PACSIN1: variants seen among roughly 807,000 people sequenced by gnomAD.
PACSIN1 encodes protein kinase C and casein kinase substrate in neurons 1.
Under a neutral mutation model 59.5 loss-of-function variants are expected in PACSIN1, and 15 were observed. That is an observed-to-expected ratio of 0.25 (90% CI 0.17 to 0.39). The LOEUF (loss-of-function observed/expected upper bound fraction) is 0.39, where lower values mean the gene tolerates loss of function less well. Ranked by LOEUF, PACSIN1 falls within the 10% of genes least tolerant of loss-of-function variation. The probability of loss-of-function intolerance (pLI) is 1.00; values close to 1 mark genes in which losing one functional copy is unlikely to be tolerated. For synonymous variants in PACSIN1, 210 were observed against 220.6 expected (o/e 0.95, Z 0.42); for missense variants, 420 against 580.2 (o/e 0.72, Z 2.84).
At position 34,521,843 on chromosome 6, in the gene PACSIN1, C is replaced by T. The variant is rs974908869; in HGVS notation, c.-63-4400C>T. On this transcript the variant is annotated intron_variant, in intron 1 of 9. Coordinates refer to ENST00000244458, the MANE Select transcript of PACSIN1 (RefSeq NM_020804.5). The surrounding 1 kb of genome is among the most constrained non-coding windows in gnomAD (Gnocchi z 4.3). ...CAACAGCCCATTTTACAGATGCGGA[C>T]GCCGAGGCCTGGGAAGAGGGAGAGA... Among the ~76,000 whole-genome samples the T allele has an allele frequency of 6.6e-6, 1 of 152,094 alleles. No individual in the cohort carries two copies. Among genetic ancestry groups the T allele is most frequent in the African/African-American group, 2.4e-5 (1 of 41,406 alleles).
At chr6:34,470,277 G>A (rs991220970) in intron 1 of PACSIN1, among the ~76,000 whole-genome samples, 13 of 152,050 alleles carry the variant, frequency 8.5e-5, no homozygotes, top group African/African-American at 2.9e-4. Flanking sequence ...CCACCTCCGG[G>A]TTCAAGCAAT....
At chr6:34,476,531 C>T (rs757812229) in intron 1 of PACSIN1, among the ~76,000 whole-genome samples, 10 of 152,144 alleles carry the variant, frequency 6.6e-5, no homozygotes, top group Non-Finnish European at 1.3e-4. Context: ...GATGACTGGC[C>T]GCCATCTCAC....
intron 1 of PACSIN1, among the ~76,000 whole-genome samples, chr6:34,478,784 G>A (rs1766676831): frequency 6.6e-6 from 1 of 152,126 alleles, no homozygotes; most frequent in South Asian, 2.1e-4. Flanking sequence ...TTGTACATTT[G>A]TCTTAGTCTT....
intron 1 of PACSIN1, among the ~76,000 whole-genome samples, chr6:34,496,106 G>A (rs1350061036): frequency 1.3e-5 from 2 of 152,214 alleles, no homozygotes; most frequent in Non-Finnish European, 2.9e-5. Context: ...AGATGCAGGT[G>A]ATTGTGCCAT....
chr6:34,483,064 G>C (rs1766743864), intron 1 of PACSIN1, among the ~76,000 whole-genome samples: 1 of 149,934 alleles, frequency 6.7e-6, no homozygotes. Flanking sequence ...GAGTGCAGTG[G>C]CACGATCATG....
Position 34,528,645 on chromosome 6 carries a change from C to G in PACSIN1, c.224C>G (p.Pro75Arg). The G allele has an allele frequency of 6.2e-7, 1 of 1,613,234 alleles. No homozygotes were observed. The highest frequency in any genetic ancestry group is 8.5e-7 in the Non-Finnish European group (1 of 1,179,500). The change falls in exon 4 of 10, where the codon CCA becomes CGA. Residue 75 changes from proline to arginine, a missense_variant. Physicochemically the swap from Pro to Arg is moderately radical, Grantham distance 103 (BLOSUM62 -2). Transcript: ENST00000244458. ...TGACCTATTGCCATTCCCTCAGGCC[C>G]ACAGTATGGCAGCCTGGAGCGGGCC... is the stretch of plus-strand genomic sequence containing the variant. Reference protein sequence around the residue: ...KRWRQLIEKGPQYGSLERAWG... With the variant: ...KRWRQLIEKGRQYGSLERAWG...
At chr6:34,524,885 C>T (rs1376556807) in intron 1 of PACSIN1, among the ~76,000 whole-genome samples, 1 of 152,194 alleles carries the variant, frequency 6.6e-6, no homozygotes, top group African/African-American at 2.4e-5. Context: ...CCAACCAACT[C>T]CTGCCCGCCC....
intron 1 of PACSIN1, among the ~76,000 whole-genome samples, chr6:34,512,309 C>T (rs577936602): frequency 5.0e-5 from 5 of 99,446 alleles, no homozygotes; most frequent in South Asian, 3.7e-4. Flanking sequence ...GAGGACAGGA[C>T]GTGGGGTCTG....
chr6:34,502,657 G>T (rs1198550836), intron 1 of PACSIN1, among the ~76,000 whole-genome samples: 1 of 151,548 alleles, frequency 6.6e-6, no homozygotes, highest in Non-Finnish European at 1.5e-5. Flanking sequence ...TAGTAGAGAC[G>T]GGGTTTCACC....
At chr6:34,527,647 C>T (rs1033953503) in intron 3 of PACSIN1, 159 bp downstream of exon 3, 6 of 471,402 alleles carry the variant, frequency 1.3e-5, no homozygotes, top group African/African-American at 2.0e-5. Flanking sequence ...ACCAGGCCTA[C>T]CTGTTCATCT....
intron 1 of PACSIN1, among the ~76,000 whole-genome samples, chr6:34,498,898 C>A (rs186462246): frequency 6.6e-6 from 1 of 151,296 alleles, no homozygotes; most frequent in East Asian, 1.9e-4. Context: ...TGGGCCCCAG[C>A]GTTTTTGGCA....
intron 1 of PACSIN1, among the ~76,000 whole-genome samples, chr6:34,475,974 C>G (rs921708307): frequency 1.3e-5 from 2 of 152,152 alleles, no homozygotes; most frequent in Admixed American, 6.5e-5. Flanking sequence ...TTAGTGGCTG[C>G]TGGTTTGTAG....
intron 1 of PACSIN1, among the ~76,000 whole-genome samples, chr6:34,509,500 T>A (rs1163100086): frequency 6.6e-6 from 1 of 152,188 alleles, no homozygotes; most frequent in African/African-American, 2.4e-5. Context: ...AATCAGGAAG[T>A]ATGGGGCCTC....
At chr6:34,482,200 C>T (rs1315345600) in intron 1 of PACSIN1, among the ~76,000 whole-genome samples, 2 of 152,172 alleles carry the variant, frequency 1.3e-5, no homozygotes, top group Non-Finnish European at 2.9e-5. Context: ...GATTCTCCTG[C>T]CTCAGCCTCC....
At chr6:34,497,432 G>A (rs1414850777) in intron 1 of PACSIN1, among the ~76,000 whole-genome samples, 1 of 151,844 alleles carries the variant, frequency 6.6e-6, no homozygotes, top group Non-Finnish European at 1.5e-5. Context: ...AAGATGAGGA[G>A]GCACCGTGGA....
chr6:34,485,932 C>A (rs1766786939), intron 1 of PACSIN1, among the ~76,000 whole-genome samples: 1 of 152,132 alleles, frequency 6.6e-6, no homozygotes, highest in South Asian at 2.1e-4. Flanking sequence ...ATGGACAGGC[C>A]TTTCCAGGAG....
intron 2 of PACSIN1, among the ~76,000 whole-genome samples, chr6:34,526,798 G>C (rs1378785581): frequency 6.6e-6 from 1 of 152,170 alleles, no homozygotes; most frequent in Non-Finnish European, 1.5e-5. Flanking sequence ...ACAGCCAGAA[G>C]CCAGCATTTT....
At chr6:34,470,461 G>C (rs1766556035) in intron 1 of PACSIN1, among the ~76,000 whole-genome samples, 1 of 152,068 alleles carries the variant, frequency 6.6e-6, no homozygotes, top group Non-Finnish European at 1.5e-5. Flanking sequence ...TTACAGGTGT[G>C]AGCCACCGCA....
Position 34,485,378 on chromosome 6 carries a change from C to T in PACSIN1, c.-64+19108C>T, listed in dbSNP as rs556859337. Among the ~76,000 whole-genome samples the T allele has an allele frequency of 1.1e-4, 16 of 151,828 alleles. No homozygotes were observed. In the East Asian group the frequency reaches 2.9e-3, roughly 28 times the overall value. On this transcript the variant is annotated intron_variant, in intron 1 of 9. Coordinates refer to ENST00000244458, the MANE Select transcript of PACSIN1 (RefSeq NM_020804.5). ...CTCATTAGGAGGCCACGTAGCCCTC[C>T]GAGTGGGACAGGGGGCTGGGGCAGA... is the stretch of plus-strand genomic sequence containing the variant.
Sources: allele counts gnomAD v4.1 joint callset (sites outside exome capture counted in the v4.1 genomes callset), GRCh38; gene constraint gnomAD v4.1.1; non-coding constraint Gnocchi (gnomAD v3.1); transcripts MANE v1.5; gene names NCBI Gene and HGNC (gene_info 2026-07-23, HGNC 2026-07-21).